The following CDYL variants were observed in gnomAD, a reference collection of about 807,000 sequenced individuals.
CDYL encodes chromodomain Y-like protein.
In CDYL, 8 loss-of-function variants were observed where a neutral mutation model predicts 47.3. The ratio of observed to expected loss-of-function variants is 0.17; its 90% CI spans 0.10 to 0.31. The LOEUF (loss-of-function observed/expected upper bound fraction) is 0.31. Among genes scored for constraint, CDYL ranks in the 10% least tolerant of loss-of-function variants. The pLI is 1.00. For missense variants in CDYL, 471 were observed against 701.4 expected, an observed-to-expected ratio of 0.67 and a Z score of 3.71; for synonymous variants, 266 against 265.0, an observed-to-expected ratio of 1.00 and a Z score of -0.04.
upstream of CDYL, among the ~76,000 whole-genome samples, chr6:4,771,745 G>A (rs1758341729): frequency 6.6e-6 from 1 of 152,158 alleles, no homozygotes; most frequent in East Asian, 1.9e-4. Context: ...AAATGGAAAG[G>A]TAAAGACGAT....
At chr6:4,866,842 C>T (rs928906664) in intron 1 of CDYL, among the ~76,000 whole-genome samples, 2 of 152,060 alleles carry the variant, frequency 1.3e-5, no homozygotes, top group African/African-American at 4.8e-5. Context: ...ATACTAGGCC[C>T]AGAGAGTTCA....
intron 3 of CDYL, among the ~76,000 whole-genome samples, chr6:4,765,937 TTAAA>T (rs1395998685): frequency 2.6e-5 from 4 of 151,994 alleles, no homozygotes; most frequent in Admixed American, 2.0e-4. Flanking sequence ...AGAAGTGTAA[TTAAA>T]TAGAGTAGAC....
chr6:4,936,179 A>C (rs2127520150), intron 3 of CDYL, among the ~76,000 whole-genome samples: 1 of 152,306 alleles, frequency 6.6e-6, no homozygotes, highest in East Asian at 1.9e-4. Context: ...ACAGAATTTA[A>C]GTGCCCCCGG....
intron 1 of CDYL, among the ~76,000 whole-genome samples, chr6:4,825,762 A>G (rs1381164788): frequency 1.3e-5 from 2 of 150,600 alleles, no homozygotes; most frequent in African/African-American, 4.9e-5. Context: ...TGGATTCCAT[A>G]TTTGCCTATT....
intron 2 of CDYL, among the ~76,000 whole-genome samples, chr6:4,920,765 G>C (rs570259111): frequency 6.6e-6 from 1 of 152,092 alleles, no homozygotes. Flanking sequence ...ACAGTCACGC[G>C]CCACCACATG....
rs371658017 is a variant in CDYL at position 4,830,352 on chromosome 6, T to A, written c.24+53545T>A. On this transcript the variant is annotated intron_variant, in intron 1 of 6. Coordinates refer to ENST00000397588, the MANE Select transcript of CDYL (RefSeq NM_004824.4). ...GGATGTACATCATGCTTTGGGAAAC[T>A]CTCTTCTGCCATAAGTACAGATCTT... Among the ~76,000 whole-genome samples, 15 of 152,338 alleles carry A rather than the reference T, an allele frequency of 9.8e-5. No individual in the cohort carries two copies. In the East Asian group the frequency reaches 2.1e-3, roughly 22 times the overall value.
chr6:4,876,623 A>C (rs1165418108), intron 1 of CDYL, among the ~76,000 whole-genome samples: 1 of 152,204 alleles, frequency 6.6e-6, no homozygotes, highest in African/African-American at 2.4e-5. Context: ...AATATTCAGC[A>C]CTTTTTAATG....
chr6:4,946,767 A>G (rs998672858), intron 5 of CDYL, among the ~76,000 whole-genome samples: 1 of 152,052 alleles, frequency 6.6e-6, no homozygotes, highest in Non-Finnish European at 1.5e-5. Flanking sequence ...TCCCAGTCCC[A>G]GCCAGCACTC....
chr6:4,845,198 G>A (rs143361352), intron 1 of CDYL, among the ~76,000 whole-genome samples: 111 of 152,286 alleles, frequency 7.3e-4, no homozygotes, highest in African/African-American at 2.5e-3. Context: ...AGGTTCAAAA[G>A]CTGACTTTTC....
At chr6:4,861,963 T>C (rs2127468929) in intron 1 of CDYL, among the ~76,000 whole-genome samples, 1 of 152,240 alleles carries the variant, frequency 6.6e-6, no homozygotes, top group East Asian at 1.9e-4. Context: ...TTCAATCACA[T>C]AGTCATTTTT....
intron 1 of CDYL, among the ~76,000 whole-genome samples, chr6:4,822,969 A>C (rs1391796638): frequency 1.3e-5 from 2 of 152,190 alleles, no homozygotes; most frequent in Admixed American, 1.3e-4. Context: ...TGATTCCTGA[A>C]GCCTGCCCAA....
At chr6:4,815,673 CTT>C (rs35346944) in intron 1 of CDYL, among the ~76,000 whole-genome samples, 28 of 113,624 alleles carry the variant, frequency 2.5e-4, no homozygotes, top group Admixed American at 6.4e-4. Flanking sequence ...TGAGATTTCA[CTT>C]TTTTTTTTTT....
chr6:4,909,946 A>G (rs1202850091), intron 2 of CDYL, among the ~76,000 whole-genome samples: 2 of 151,888 alleles, frequency 1.3e-5, no homozygotes, highest in African/African-American at 4.8e-5. Context: ...GGCTTCCAAT[A>G]TGCTAGGCTC....
Position 4,776,664 on chromosome 6 carries a change from G to A in CDYL, c.-120G>A. On this transcript the variant is annotated 5_prime_UTR_variant, in exon 1 of 7. Transcript: ENST00000397588. ...GAGGCTCGTCCGTGCCCAGCGCCCG[G>A]CCGGCCGCGGGAGCAGGAAGCGCAG... 1 of 899,278 alleles carries A rather than the reference G, an allele frequency of 1.1e-6. No homozygotes were observed. The highest frequency in any genetic ancestry group is 1.5e-6 in the Non-Finnish European group (1 of 679,640). 55.7% of individuals were successfully genotyped at this position (899,278 alleles called of 1,614,324 possible). A position where few individuals can be genotyped will look rare whatever the true frequency, so the allele number is the denominator to read the frequency against.
chr6:4,802,846 A>C, intron 1 of CDYL, among the ~76,000 whole-genome samples: 1 of 151,346 alleles, frequency 6.6e-6, no homozygotes, highest in African/African-American at 2.4e-5. Context: ...TGGGCGGGAG[A>C]GGTTTTCAGA....
intron 2 of CDYL, among the ~76,000 whole-genome samples, chr6:4,922,002 T>C (rs1309642735): frequency 6.6e-6 from 1 of 152,170 alleles, no homozygotes; most frequent in Non-Finnish European, 1.5e-5. Flanking sequence ...TTCACGTAGG[T>C]ACCGTTCCTG....
At chr6:4,939,985 C>A (rs1326936174) in intron 4 of CDYL, among the ~76,000 whole-genome samples, 1 of 150,184 alleles carries the variant, frequency 6.7e-6, no homozygotes, top group Non-Finnish European at 1.5e-5. Context: ...CCCGCTGGTG[C>A]CTCGCCGGGT....
intron 1 of CDYL, among the ~76,000 whole-genome samples, chr6:4,803,548 G>A (rs1337920756): frequency 6.6e-6 from 1 of 152,090 alleles, no homozygotes; most frequent in Middle Eastern, 3.2e-3. Context: ...ATTGACAGAC[G>A]ATAGACAGGT....
At chr6:4,894,990 T>C (rs1322368818) in intron 2 of CDYL, among the ~76,000 whole-genome samples, 2 of 151,848 alleles carry the variant, frequency 1.3e-5, no homozygotes, top group Non-Finnish European at 2.9e-5. Flanking sequence ...TGCATATGTG[T>C]ATACTTGTGT....
Sources: gnomAD v4.1 joint callset for allele counts (sites outside exome capture counted in the v4.1 genomes callset) on GRCh38, gnomAD v4.1.1 for gene constraint, MANE v1.5 for transcripts, NCBI Gene and HGNC (gene_info 2026-07-23, HGNC 2026-07-21) for gene names.